Variants in SHC4 observed in about 807,000 individuals in gnomAD.
SHC4 encodes the protein SHC adaptor protein 4.
In SHC4, 41 loss-of-function variants were observed where a neutral mutation model predicts 69.4. The ratio of observed to expected loss-of-function variants is 0.59; its 90% confidence interval spans 0.46 to 0.77. The LOEUF (loss-of-function observed/expected upper bound fraction) is 0.77, where lower values mean the gene tolerates loss of function less well. Ranked by LOEUF, SHC4 falls within the 30% of genes least tolerant of loss-of-function variation. The probability of loss-of-function intolerance (pLI) is 0.00; values close to 1 mark genes in which losing one functional copy is unlikely to be tolerated. For missense variants in SHC4, 777 were observed against 783.8 expected (o/e 0.99, Z 0.10); for synonymous variants, 318 against 299.3 (o/e 1.06, Z -0.64).
Position 48,911,608 on chromosome 15 carries a change from C to T in SHC4, c.656+13271G>A, listed in dbSNP as rs76239190. On this transcript the variant is annotated intron_variant, in intron 2 of 11. Coordinates refer to ENST00000332408, the MANE Select transcript of SHC4 (RefSeq NM_203349.4). ...GAGGTTTAGATTGAAGAGCATTCAT[C>T]GTGCTCTTTGTTGCCTGTGTACTTT... Among the ~76,000 whole-genome samples the T allele has an allele frequency of 0.038, 5,711 of 152,164 alleles. 663 individuals are homozygous for T. In the East Asian group the frequency reaches 0.38, roughly 10 times the overall value.
Position 48,962,422 on chromosome 15 carries a change from T to C in SHC4, c.585+9A>G. On this transcript the variant is annotated intron_variant, in intron 1 of 11. Coordinates refer to ENST00000332408, the MANE Select transcript of SHC4 (RefSeq NM_203349.4). ...AGTTCTTAGAGGGCAGAGAGGAAAA[T>C]GGACTTACCCTCACACAGTAGTTCA... is the stretch of plus-strand genomic sequence containing the variant. 1.1e-5 allele frequency: 16 copies of C among 1,512,166 alleles called. No individual in the cohort carries two copies. Among genetic ancestry groups the C allele is most frequent in the East Asian group, 2.3e-5 (1 of 43,794 alleles). The allele number at this position is 1,512,166 out of a possible 1,614,324, so 93.7% of individuals were successfully genotyped here. A position where few individuals can be genotyped will look rare whatever the true frequency, so the allele number is the denominator to read the frequency against.
intron 1 of SHC4, among the ~76,000 whole-genome samples, chr15:48,955,855 T>C (rs1324006850): frequency 6.6e-6 from 1 of 152,220 alleles, no homozygotes; most frequent in Non-Finnish European, 1.5e-5. Flanking sequence ...TACACAGAAC[T>C]GGGAGCTCTT....
At chr15:48,917,602 C>G (rs1326231495) in intron 2 of SHC4, among the ~76,000 whole-genome samples, 3 of 152,134 alleles carry the variant, frequency 2.0e-5, no homozygotes, top group African/African-American at 7.2e-5. Flanking sequence ...GGTCCAGAAT[C>G]AGCCAAGGGG....
chr15:48,912,610 C>T lies in SHC4; in HGVS notation c.656+12269G>A, dbSNP rs536556881. Among the ~76,000 whole-genome samples the T allele has an allele frequency of 4.6e-5, 7 of 152,200 alleles. No individual in the cohort carries two copies. In the South Asian group the frequency reaches 8.3e-4, roughly 18 times the overall value. On this transcript the variant is annotated intron_variant, in intron 2 of 11. Transcript: ENST00000332408. ...TCAGGTAAATCATGGATTTCTTCTT[C>T]GTTTGGATCCATTGCTGGTGAACTA...
chr15:48,948,353 T>C (rs1567077108), intron 1 of SHC4, among the ~76,000 whole-genome samples: 1 of 152,256 alleles, frequency 6.6e-6, no homozygotes, highest in African/African-American at 2.4e-5. Context: ...GGAAACGCAT[T>C]GTGAGACATA....
At chr15:48,952,987 T>A (rs1901390105) in intron 1 of SHC4, among the ~76,000 whole-genome samples, 1 of 152,176 alleles carries the variant, frequency 6.6e-6, no homozygotes, top group Admixed American at 6.5e-5. Flanking sequence ...TGCAGCACTA[T>A]TCACAATAGC....
At chr15:48,869,219 ATATAGT>A (rs1315258520) in intron 5 of SHC4, among the ~76,000 whole-genome samples, 6 of 152,232 alleles carry the variant, frequency 3.9e-5, no homozygotes, top group Non-Finnish European at 7.3e-5. Context: ...GAGAAAGTAT[ATATAGT>A]TATAGAGGCA....
At chr15:48,831,205 C>A (rs771607165) in intron 11 of SHC4, among the ~76,000 whole-genome samples, 77 of 151,624 alleles carry the variant, frequency 5.1e-4, no homozygotes, top group Non-Finnish European at 1.0e-3. Context: ...TAAATGTTTA[C>A]AAAGTAAAAA....
intron 1 of SHC4, among the ~76,000 whole-genome samples, chr15:48,953,069 T>C (rs961589691): frequency 6.6e-6 from 1 of 152,204 alleles, no homozygotes; most frequent in Non-Finnish European, 1.5e-5. Flanking sequence ...ATATATACCA[T>C]GGAATACTAT....
chr15:48,962,681 T>C lies in SHC4; in HGVS notation c.335A>G (p.Lys112Arg). The C allele has an allele frequency of 6.2e-7, 1 of 1,614,148 alleles. No homozygotes were observed. Among genetic ancestry groups the C allele is most frequent in the Non-Finnish European group, 8.5e-7 (1 of 1,180,022 alleles). ...CTGGAGCTTCAGCCGAGGCACCTCT[T>C]TGGTACCCAGGCAAAAGTTTTTCAG... is the stretch of plus-strand genomic sequence containing the variant. ...LSLKNFCLGTKEVPRLKLQES... is the reference protein window; with the variant it reads ...LSLKNFCLGTREVPRLKLQES... Residue 112 changes from lysine to arginine, a missense_variant, in exon 1 of 12, where the codon AAA (lysine) becomes AGA (arginine). Transcript: ENST00000332408.
At chr15:48,920,578 G>T (rs1900733585) in intron 2 of SHC4, among the ~76,000 whole-genome samples, 1 of 152,064 alleles carries the variant, frequency 6.6e-6, no homozygotes, top group Admixed American at 6.5e-5. Flanking sequence ...CCCGGCCAGA[G>T]ATTTTTTTAA....
chr15:48,961,593 C>A (rs1324486644), intron 1 of SHC4, among the ~76,000 whole-genome samples: 12 of 152,252 alleles, frequency 7.9e-5, no homozygotes, highest in Admixed American at 7.9e-4. Flanking sequence ...GAGGGTTCCC[C>A]ATGTGAATGA....
intron 2 of SHC4, among the ~76,000 whole-genome samples, chr15:48,900,521 A>G (rs994457202): frequency 6.6e-6 from 1 of 151,512 alleles, no homozygotes; most frequent in Non-Finnish European, 1.5e-5. Context: ...AAAAAAAAAG[A>G]AAAAAAGAAG....
rs74891372 is a variant in SHC4 at position 48,826,697 on chromosome 15, C to A, written c.1738-571G>T. Among the ~76,000 whole-genome samples the A allele has an allele frequency of 8.3e-3, 1,267 of 152,286 alleles. 79 individuals are homozygous for A. In the East Asian group the frequency reaches 0.14, roughly 17 times the overall value. ...ATATTCTATGTCACTATCTCTATAACTATTTAACTGGTTTGTATACAAGCA... is the reference window on the plus strand; with the variant it reads ...ATATTCTATGTCACTATCTCTATAAATATTTAACTGGTTTGTATACAAGCA... On this transcript the variant is annotated intron_variant, in intron 11 of 11. Coordinates refer to ENST00000332408, the MANE Select transcript of SHC4 (RefSeq NM_203349.4).
rs144890744 is a variant in SHC4, at chr15:48,886,919, G to C, written c.721-2552C>G. Among the ~76,000 whole-genome samples the C allele has an allele frequency of 6.1e-3, 934 of 152,274 alleles. 8 individuals are homozygous for C. The highest frequency in any genetic ancestry group is 0.032 in the South Asian group (153 of 4,828). ...GACCAAATTTTACTAAAGAGTGGAG[G>C]CAGGCCTGGCAGAGGTGCTTATCCA... On this transcript the variant is annotated intron_variant, in intron 3 of 11. Coordinates refer to ENST00000332408, the MANE Select transcript of SHC4 (RefSeq NM_203349.4).
At chr15:48,869,318 A>G (rs77084396) in intron 5 of SHC4, among the ~76,000 whole-genome samples, 6,832 of 152,306 alleles carry the variant, frequency 0.045, 295 homozygotes, top group East Asian at 0.22. Flanking sequence ...AGCAAAGGCC[A>G]AGAGATGAGA....
intron 1 of SHC4, among the ~76,000 whole-genome samples, chr15:48,945,460 A>T (rs1020621636): frequency 1.3e-5 from 2 of 152,244 alleles, no homozygotes; most frequent in Admixed American, 6.5e-5. Context: ...AAAAGTAGAG[A>T]CAACCCGAAG....
At chr15:48,876,508 T>A (rs1567058965) in intron 4 of SHC4, 1 of 573,066 alleles carries the variant, frequency 1.7e-6, no homozygotes, top group East Asian at 2.9e-5. Context: ...CATATATATG[T>A]ATATATATGT....
chr15:48,912,328 C>T (rs1254310823), intron 2 of SHC4, among the ~76,000 whole-genome samples: 1 of 152,150 alleles, frequency 6.6e-6, no homozygotes, highest in South Asian at 2.1e-4. Context: ...AATTAGAAGA[C>T]CTTGTCTTCG....
Sources: gnomAD v4.1 joint callset for allele counts (sites outside exome capture counted in the v4.1 genomes callset) on GRCh38, gnomAD v4.1.1 for gene constraint, MANE v1.5 for transcripts, NCBI Gene and HGNC (gene_info 2026-07-23, HGNC 2026-07-21) for gene names.